The following SCN3B variants were observed in gnomAD, a reference collection of about 807,000 sequenced individuals.
SCN3B encodes sodium channel regulatory subunit beta-3.
A neutral mutation model predicts 25.4 loss-of-function variants in SCN3B; 11 were observed. The ratio of observed to expected loss-of-function variants is 0.43; its 90% CI spans 0.27 to 0.72. The LOEUF is 0.72. Ranked by LOEUF, SCN3B falls within the 30% of genes least tolerant of loss-of-function variation. The pLI, the probability that SCN3B is intolerant of heterozygous loss-of-function variation, is 0.18. For missense variants in SCN3B, 218 were observed against 278.3 expected (o/e 0.78, Z 1.54); for synonymous variants, 109 against 110.7 (o/e 0.99, Z 0.09).
intron 4 of SCN3B, among the ~76,000 whole-genome samples, chr11:123,641,726 G>C (rs981242517): frequency 2.3e-4 from 35 of 152,172 alleles, no homozygotes; most frequent in African/African-American, 6.8e-4. Context: ...AACAAGACTA[G>C]AGAGCTATCA....
At chr11:123,634,653 G>A (rs772966476) in intron 5 of SCN3B, among the ~76,000 whole-genome samples, 2 of 152,144 alleles carry the variant, frequency 1.3e-5, no homozygotes, top group African/African-American at 2.4e-5. Flanking sequence ...GAGGTGGGAG[G>A]ATCACCTGAG....
rs886047905 is a variant in SCN3B, at chr11:123,654,290, C to G, written c.-90G>C. On this transcript the variant is annotated 5_prime_UTR_variant, in exon 1 of 7. Coordinates refer to ENST00000299333, the MANE Select transcript of SCN3B (RefSeq NM_001040151.2). ...CCTCCCAGCCCCGCGGCTCCTGCTTCGTCCGCCCTAACTGCTTCTCCAGCT... is the reference window on the plus strand; with the variant it reads ...CCTCCCAGCCCCGCGGCTCCTGCTTGGTCCGCCCTAACTGCTTCTCCAGCT... 2 of 176,932 alleles carry G rather than the reference C, an allele frequency of 1.1e-5. No homozygotes were observed. The highest frequency in any genetic ancestry group is 2.4e-5 in the Non-Finnish European group (2 of 81,866). 11.0% of individuals were successfully genotyped at this position (176,932 alleles called of 1,614,324 possible).
intron 2 of SCN3B, among the ~76,000 whole-genome samples, chr11:123,651,915 G>C (rs1385352590): frequency 1.1e-4 from 16 of 152,230 alleles, no homozygotes; most frequent in Admixed American, 1.0e-3. Flanking sequence ...AAGGATGTTA[G>C]ATATCACCCG....
Position 123,642,809 on chromosome 11 carries a change from C to T in SCN3B, c.220-138G>A, listed in dbSNP as rs940598603. On this transcript the variant is annotated intron_variant, in intron 3 of 6. Transcript: ENST00000299333. This position sits in a 1 kb window ranked among gnomAD's most constrained non-coding sequence, Gnocchi z 4.3. Reference sequence around the variant, plus strand: ...GAGAGGGGACAATGCCACCGGGAGACCCAGAATGTGGGGGTGGGATGAAGA... The same window carrying T: ...GAGAGGGGACAATGCCACCGGGAGATCCAGAATGTGGGGGTGGGATGAAGA... 2.2e-5 allele frequency: 16 copies of T among 727,146 alleles called. No homozygotes were observed. In the African/African-American group the frequency reaches 2.6e-4, roughly 12 times the overall value. The allele number at this position is 727,146 out of a possible 1,614,324, so 45.0% of individuals were successfully genotyped here. A position where few individuals can be genotyped will look rare whatever the true frequency, so the allele number is the denominator to read the frequency against.
chr11:123,634,808 T>C (rs984510484), intron 5 of SCN3B, among the ~76,000 whole-genome samples: 2 of 152,246 alleles, frequency 1.3e-5, no homozygotes, highest in African/African-American at 4.8e-5. Flanking sequence ...ACAGGCTATT[T>C]GGGTTTCTGC....
intron 5 of SCN3B, among the ~76,000 whole-genome samples, chr11:123,637,616 C>A (rs1955743708): frequency 1.3e-5 from 2 of 152,166 alleles, no homozygotes; most frequent in Admixed American, 6.5e-5. Flanking sequence ...GCAACCTCCG[C>A]CTCCCAGGTT....
At chr11:123,644,944 G>C (rs985674998) in intron 3 of SCN3B, among the ~76,000 whole-genome samples, 1 of 151,386 alleles carries the variant, frequency 6.6e-6, no homozygotes, top group South Asian at 2.1e-4. Context: ...CACTGGCTAT[G>C]GTGCAGGAGC....
intron 2 of SCN3B, among the ~76,000 whole-genome samples, chr11:123,652,173 G>A (rs1278806193): frequency 2.6e-5 from 4 of 152,192 alleles, no homozygotes; most frequent in Admixed American, 2.0e-4. Flanking sequence ...CAGCTTTACC[G>A]ACGCTCTTTT....
chr11:123,651,643 C>T (rs1565498937), intron 2 of SCN3B, among the ~76,000 whole-genome samples: 1 of 152,188 alleles, frequency 6.6e-6, no homozygotes, highest in East Asian at 1.9e-4. Context: ...GGATTACAGG[C>T]GTGAGCCACT....
At position 123,630,858 on chromosome 11, in the gene SCN3B, A is replaced by G. The variant is rs929431512; in HGVS notation, c.*2941T>C. ...TAGGCAATGGTTAGATGGAAGCTAA[A>G]AAATAAGAAAAGGAAGCAGCTATGG... is the stretch of plus-strand genomic sequence containing the variant. On this transcript the variant is annotated 3_prime_UTR_variant, in exon 7 of 7. Coordinates refer to ENST00000299333, the MANE Select transcript of SCN3B (RefSeq NM_001040151.2). 1.3e-5 allele frequency: 2 copies of G among 152,240 alleles called. No individual in the cohort carries two copies. The highest frequency in any genetic ancestry group is 4.8e-5 in the African/African-American group (2 of 41,460). 9.4% of individuals were successfully genotyped at this position (152,240 alleles called of 1,614,324 possible). A position where few individuals can be genotyped will look rare whatever the true frequency, so the allele number is the denominator to read the frequency against.
In SCN3B at chr11:123,642,426, AC is replaced by A; in HGVS notation, c.445+19del. On this transcript the variant is annotated intron_variant, in intron 4 of 6. Transcript: ENST00000299333. This position sits in a 1 kb window ranked among gnomAD's most constrained non-coding sequence, Gnocchi z 4.3. ...CCACAGAGAGCAGGACGCCCTAGAG[AC>A]CCTGTGCCTCAGCCTCACCCTCCTC... The A allele has an allele frequency of 6.2e-7, 1 of 1,611,974 alleles. No individual in the cohort carries two copies. The highest frequency in any genetic ancestry group is 1.1e-5 in the South Asian group (1 of 90,986).
At chr11:123,633,981 C>G (rs1033131277) in intron 6 of SCN3B, 140 bp downstream of exon 6, 1 of 676,466 alleles carries the variant, frequency 1.5e-6, no homozygotes, top group African/African-American at 1.8e-5. Flanking sequence ...TAAAGAATTA[C>G]CCTGAGGGCG....
At chr11:123,650,770 C>A (rs1255274806) in intron 2 of SCN3B, among the ~76,000 whole-genome samples, 1 of 152,154 alleles carries the variant, frequency 6.6e-6, no homozygotes, top group Non-Finnish European at 1.5e-5. Flanking sequence ...TCTAGCAAGT[C>A]CTTTCCCTTC....
rs1565495921 is a variant in SCN3B, at chr11:123,642,449, C to T, written c.442G>A (p.Glu148Lys). 1.2e-6 allele frequency: 2 copies of T among 1,614,172 alleles called. No homozygotes were observed. Among genetic ancestry groups the T allele is most frequent in the South Asian group, 2.2e-5 (2 of 91,078 alleles). ...TRLIPLRVTE[E>K]AGEDFTSVVS... is the part of the protein sequence containing the mutation. The stretch of plus-strand genomic sequence containing the variant: ...AGACCCTGTGCCTCAGCCTCACCCT[C>T]CTCGGTGACTCTTAGGGGGATCAGC... Residue 148 changes from glutamate (E) to lysine (K), a missense_variant, in exon 4 of 7, where the codon GAG (glutamate) becomes AAG (lysine). Glu to Lys is a moderately conservative substitution (Grantham distance 56, BLOSUM62 1). Coordinates refer to ENST00000299333, the MANE Select transcript of SCN3B (RefSeq NM_001040151.2). This position sits in a 1 kb window ranked among gnomAD's most constrained non-coding sequence, Gnocchi z 4.3.
rs926549927 is a variant in SCN3B at position 123,654,215 on chromosome 11, G to A, written c.-26+11C>T. 1.8e-5 allele frequency: 5 copies of A among 271,064 alleles called. No homozygotes were observed. The highest frequency in any genetic ancestry group is 8.8e-5 in the African/African-American group (4 of 45,520). The allele number at this position is 271,064 out of a possible 1,614,324, so 16.8% of individuals were successfully genotyped here. On this transcript the variant is annotated intron_variant, in intron 1 of 6. Coordinates refer to ENST00000299333, the MANE Select transcript of SCN3B (RefSeq NM_001040151.2). ...AGCAGCCAGGCTGTGGAAGGGTCCAGGTTGATTCACCTCTCGCCTCCCCAG... is the reference window on the plus strand; with the variant it reads ...AGCAGCCAGGCTGTGGAAGGGTCCAAGTTGATTCACCTCTCGCCTCCCCAG...
rs1383985121 is a variant in SCN3B at position 123,629,375 on chromosome 11, C to T, written c.*4424G>A. 6.6e-6 allele frequency: 1 copy of T among 152,238 alleles called. No individual in the cohort carries two copies. Among genetic ancestry groups the T allele is most frequent in the African/African-American group, 2.4e-5 (1 of 41,460 alleles). The allele number at this position is 152,238 out of a possible 1,614,324, so 9.4% of individuals were successfully genotyped here. Reference sequence around the variant, plus strand: ...CTCCGTCTCCATCACACACACTGCTCAGCAGAGGCAGCTCTTGCCAAGCCG... The same window carrying T: ...CTCCGTCTCCATCACACACACTGCTTAGCAGAGGCAGCTCTTGCCAAGCCG... On this transcript the variant is annotated 3_prime_UTR_variant, in exon 7 of 7. Coordinates refer to ENST00000299333, the MANE Select transcript of SCN3B (RefSeq NM_001040151.2).
At chr11:123,644,800 A>AATAT (rs56135097) in intron 3 of SCN3B, among the ~76,000 whole-genome samples, 1,203 of 45,256 alleles carry the variant, frequency 0.027, 25 homozygotes, top group East Asian at 0.078. Flanking sequence ...AGAGAGAGAG[A>AATAT]ATATATATAT....
At chr11:123,648,002 G>C (rs879763201) in intron 2 of SCN3B, among the ~76,000 whole-genome samples, 2 of 152,224 alleles carry the variant, frequency 1.3e-5, no homozygotes, top group Non-Finnish European at 2.9e-5. Flanking sequence ...TTCAGCATAT[G>C]ATGAGTCTGA....
In SCN3B at chr11:123,647,188, A is replaced by G. The variant is rs113177121; in HGVS notation, c.56-1438T>C. On this transcript the variant is annotated intron_variant, in intron 2 of 6. Transcript: ENST00000299333. ...GCATTGTTTGGGATATTTGAAAGTA[A>G]GACGAGGCCAGGTGCTGTGGCTCAC... Among the ~76,000 whole-genome samples, 350 of 152,316 alleles carry G rather than the reference A, an allele frequency of 2.3e-3. 4 individuals carry two copies. The highest frequency in any genetic ancestry group is 0.016 in the South Asian group (78 of 4,826).
Sources: gnomAD v4.1 joint callset for allele counts (sites outside exome capture counted in the v4.1 genomes callset) on GRCh38, gnomAD v4.1.1 for gene constraint, Gnocchi (gnomAD v3.1) non-coding constraint, MANE v1.5 for transcripts, NCBI Gene and HGNC (gene_info 2026-07-23, HGNC 2026-07-21) for gene names.